CPA6: variants seen among roughly 807,000 people sequenced by gnomAD.
CPA6 encodes the protein carboxypeptidase A6.
Under a neutral mutation model 63.3 loss-of-function variants are expected in CPA6, and 58 were observed. The observed-to-expected ratio is 0.92, with a 90% CI of 0.74 to 1.14. The LOEUF (loss-of-function observed/expected upper bound fraction) is 1.14, where lower values mean the gene tolerates loss of function less well. Among genes scored for constraint, CPA6 ranks in the 50% most tolerant of loss-of-function variants. The pLI is 0.00. For synonymous variants in CPA6, 185 were observed against 179.0 expected (o/e 1.03, Z -0.27); for missense variants, 565 against 526.6 (o/e 1.07, Z -0.71).
chr8:67,592,887 A>T (rs1238989007), intron 2 of CPA6, among the ~76,000 whole-genome samples: 2 of 151,176 alleles, frequency 1.3e-5, no homozygotes, highest in African/African-American at 4.9e-5. Context: ...TATTTCCTTC[A>T]TTTCTGCTCT....
chr8:67,658,340 T>C (rs551566260), intron 1 of CPA6, among the ~76,000 whole-genome samples: 39 of 152,230 alleles, frequency 2.6e-4, no homozygotes, highest in Non-Finnish European at 5.0e-4. Context: ...TTAGTTCTTG[T>C]GCACCTTGGT....
intron 1 of CPA6, among the ~76,000 whole-genome samples, chr8:67,702,600 G>A (rs1363564300): frequency 2.6e-5 from 4 of 152,222 alleles, no homozygotes; most frequent in Non-Finnish European, 5.9e-5. Flanking sequence ...AGTTGGACGA[G>A]TGGGCTCAAG....
intron 1 of CPA6, among the ~76,000 whole-genome samples, chr8:67,673,313 G>C (rs1816389308): frequency 6.7e-6 from 1 of 150,314 alleles, no homozygotes; most frequent in South Asian, 2.1e-4. Context: ...GGATTTCAAT[G>C]TTCAGTGTTG....
chr8:67,512,365 T>A (rs1483919872), intron 3 of CPA6, among the ~76,000 whole-genome samples: 1 of 152,158 alleles, frequency 6.6e-6, no homozygotes, highest in Non-Finnish European at 1.5e-5. Context: ...GAAAAGAAGC[T>A]ACAGTCCTCA....
At position 67,517,996 on chromosome 8, in the gene CPA6, T is replaced by C. The variant is rs1247966625; in HGVS notation, c.244A>G (p.Thr82Ala). Residue 82 changes from threonine to alanine, a missense_variant, in exon 3 of 11, where the codon ACT (threonine) becomes GCT (alanine). Physicochemically the swap from Thr to Ala is moderately conservative, Grantham distance 58. Coordinates refer to ENST00000297770, the MANE Select transcript of CPA6 (RefSeq NM_020361.5). ...SISYVSEGTV[T>A]DVHIPQNGSR... ...CCATTTTGGGGGATATGGACATCAG[T>C]AACTGTTCCCTCTGATACATAGGAG... 1 of 1,613,032 alleles carries C rather than the reference T, an allele frequency of 6.2e-7. No homozygotes were observed.
At chr8:67,592,845 T>G (rs937932705) in intron 2 of CPA6, among the ~76,000 whole-genome samples, 3 of 152,184 alleles carry the variant, frequency 2.0e-5, no homozygotes, top group Non-Finnish European at 4.4e-5. Flanking sequence ...GCTCCTGGAT[T>G]CATTAATTTT....
At chr8:67,567,748 G>A (rs1813375759) in intron 2 of CPA6, among the ~76,000 whole-genome samples, 1 of 152,146 alleles carries the variant, frequency 6.6e-6, no homozygotes, top group African/African-American at 2.4e-5. Flanking sequence ...CCGTAAGTTG[G>A]CACAGTGCCA....
Position 67,479,584 on chromosome 8 carries a change from TGTG to T in CPA6, c.838+4181_838+4183del, listed in dbSNP as rs149057993. 7.8e-3 allele frequency among the ~76,000 whole-genome samples: 1,187 copies of T among 152,340 alleles called. 14 individuals are homozygous for T. Among genetic ancestry groups the T allele is most frequent in the African/African-American group, 0.027 (1,128 of 41,576 alleles). On this transcript the variant is annotated intron_variant, in intron 8 of 10. Transcript: ENST00000297770. ...GAAGTAGATTGTACTGAATATTACC[TGTG>T]GTGGTGGTTGTGAAATGCTGGAGAA...
At chr8:67,565,872 C>T (rs1046460824) in intron 2 of CPA6, among the ~76,000 whole-genome samples, 9 of 152,172 alleles carry the variant, frequency 5.9e-5, no homozygotes, top group Non-Finnish European at 1.2e-4. Flanking sequence ...TCAGACTCCT[C>T]GTATGCCACT....
At chr8:67,454,872 T>C (rs1810635089) in intron 8 of CPA6, among the ~76,000 whole-genome samples, 1 of 152,144 alleles carries the variant, frequency 6.6e-6, no homozygotes, top group Non-Finnish European at 1.5e-5. Flanking sequence ...AGACAAGACA[T>C]GCACACATGA....
At chr8:67,600,441 T>C (rs1814465742) in intron 2 of CPA6, among the ~76,000 whole-genome samples, 1 of 152,190 alleles carries the variant, frequency 6.6e-6, no homozygotes, top group Non-Finnish European at 1.5e-5. Flanking sequence ...AGATCTATTG[T>C]ACAATGTGAT....
chr8:67,649,253 T>A (rs942782408), intron 1 of CPA6, among the ~76,000 whole-genome samples: 2 of 152,206 alleles, frequency 1.3e-5, no homozygotes, highest in African/African-American at 4.8e-5. Context: ...CTGCATGCAA[T>A]GTGAATCTGG....
At chr8:67,697,848 T>C (rs1816939829) in intron 1 of CPA6, among the ~76,000 whole-genome samples, 1 of 152,208 alleles carries the variant, frequency 6.6e-6, no homozygotes, top group Admixed American at 6.5e-5. Context: ...ACTGTGAACA[T>C]TTGTACGTGT....
chr8:67,647,339 T>TTTC, intron 1 of CPA6, among the ~76,000 whole-genome samples: 1 of 118,702 alleles, frequency 8.4e-6, no homozygotes, highest in East Asian at 2.1e-4. Context: ...GATAATCTTT[T>TTTC]TTTTTTTTTT....
At chr8:67,631,313 G>T (rs1815323788) in intron 1 of CPA6, among the ~76,000 whole-genome samples, 1 of 152,208 alleles carries the variant, frequency 6.6e-6, no homozygotes, top group Non-Finnish European at 1.5e-5. Context: ...ATCTGGTGGG[G>T]ACTTGGAGGA....
At chr8:67,472,742 A>C (rs1811091904) in intron 8 of CPA6, among the ~76,000 whole-genome samples, 1 of 152,170 alleles carries the variant, frequency 6.6e-6, no homozygotes, top group South Asian at 2.1e-4. Flanking sequence ...AAAGGTTTTT[A>C]AACTTTGTTT....
At chr8:67,669,054 C>T (rs899835452) in intron 1 of CPA6, among the ~76,000 whole-genome samples, 10 of 152,060 alleles carry the variant, frequency 6.6e-5, no homozygotes, top group Admixed American at 5.9e-4. Flanking sequence ...GAATCACTCG[C>T]GGGTCAATGA....
intron 2 of CPA6, among the ~76,000 whole-genome samples, chr8:67,580,498 A>G (rs1331218457): frequency 2.6e-5 from 4 of 152,212 alleles, no homozygotes; most frequent in Non-Finnish European, 5.9e-5. Flanking sequence ...TAAGAAAAAA[A>G]TAATCAAAAC....
At position 67,698,182 on chromosome 8, in the gene CPA6, A is replaced by T. The variant is rs373210685; in HGVS notation, c.116+47832T>A. On this transcript the variant is annotated intron_variant, in intron 1 of 10. Transcript: ENST00000297770. ...ATGAAGAGCCTTTGACTAGATAGTA[A>T]TGAAGAGCCTTCCCTCTTATGTCTG... Among the ~76,000 whole-genome samples, 3 of 152,328 alleles carry T rather than the reference A, an allele frequency of 2.0e-5. No individual in the cohort carries two copies. In the East Asian group the frequency reaches 5.8e-4, roughly 29 times the overall value.
Sources: gnomAD v4.1 joint callset for allele counts (sites outside exome capture counted in the v4.1 genomes callset) on GRCh38, gnomAD v4.1.1 for gene constraint, MANE v1.5 for transcripts, NCBI Gene and HGNC (gene_info 2026-07-23, HGNC 2026-07-21) for gene names.